Variants in GRIN2B observed in about 807,000 individuals in gnomAD.
The protein encoded by GRIN2B is glutamate ionotropic receptor NMDA type subunit 2B.
GRIN2B carries 5 observed loss-of-function variants against 114.5 expected under a neutral mutation model. The ratio of observed to expected loss-of-function variants is 0.04; its 90% CI spans 0.02 to 0.09. The LOEUF (loss-of-function observed/expected upper bound fraction) is 0.09, where lower values mean the gene tolerates loss of function less well. Among genes scored for constraint, GRIN2B ranks in the 10% least tolerant of loss-of-function variants. The probability of loss-of-function intolerance (pLI) is 1.00; values close to 1 mark genes in which losing one functional copy is unlikely to be tolerated. For synonymous variants in GRIN2B, 787 were observed against 745.1 expected, an observed-to-expected ratio of 1.06 and a Z score of -0.92; for missense variants, 1,108 against 1,943.5, an observed-to-expected ratio of 0.57 and a Z score of 8.08.
intron 2 of GRIN2B, among the ~76,000 whole-genome samples, chr12:13,930,233 T>C (rs1429414181): frequency 6.6e-6 from 1 of 152,176 alleles, no homozygotes; most frequent in Non-Finnish European, 1.5e-5. Flanking sequence ...ATTAACCTTA[T>C]TTTTTAATAG....
At chr12:13,821,558 A>T (rs1284755568) in intron 3 of GRIN2B, among the ~76,000 whole-genome samples, 1 of 152,214 alleles carries the variant, frequency 6.6e-6, no homozygotes, top group Non-Finnish European at 1.5e-5. Context: ...AAGGCAGAAG[A>T]CAGAAAGGAA....
intron 3 of GRIN2B, among the ~76,000 whole-genome samples, chr12:13,860,281 T>C (rs1172636026): frequency 2.0e-5 from 3 of 152,170 alleles, no homozygotes; most frequent in Non-Finnish European, 4.4e-5. Flanking sequence ...GTACAGAAAA[T>C]GAAAAGTGCT....
intron 3 of GRIN2B, among the ~76,000 whole-genome samples, chr12:13,807,951 A>T (rs974352271): frequency 3.9e-5 from 6 of 152,242 alleles, no homozygotes; most frequent in African/African-American, 1.4e-4. Context: ...TTATGCTTTT[A>T]GTAATGGAAT....
At chr12:13,777,289 AGCTTCTTTT>A (rs1342787825) in intron 3 of GRIN2B, among the ~76,000 whole-genome samples, 4 of 152,184 alleles carry the variant, frequency 2.6e-5, no homozygotes, top group African/African-American at 9.7e-5. Flanking sequence ...TTCCTGGAGA[AGCTTCTTTT>A]GCTCAAGAGT....
intron 2 of GRIN2B, among the ~76,000 whole-genome samples, chr12:13,875,106 T>A (rs955383456): frequency 2.0e-5 from 3 of 152,276 alleles, no homozygotes; most frequent in South Asian, 4.2e-4. Flanking sequence ...CAGTGTGTAT[T>A]TTTCCCCCAT....
At chr12:13,943,961 G>A (rs1265850747) in intron 2 of GRIN2B, among the ~76,000 whole-genome samples, 2 of 152,172 alleles carry the variant, frequency 1.3e-5, no homozygotes, top group Non-Finnish European at 2.9e-5. Context: ...ATGGCACATA[G>A]TAGACGCTCA....
intron 3 of GRIN2B, among the ~76,000 whole-genome samples, chr12:13,826,295 AC>A (rs1317353760): frequency 6.6e-6 from 1 of 151,748 alleles, no homozygotes; most frequent in African/African-American, 2.4e-5. Context: ...ACACAGAGAA[AC>A]CCCGTCTCTA....
chr12:13,605,893 A>G (rs921509999), intron 10 of GRIN2B, among the ~76,000 whole-genome samples: 2 of 152,178 alleles, frequency 1.3e-5, no homozygotes, highest in Non-Finnish European at 1.5e-5. Context: ...TTAACAGCCA[A>G]GAAGGTCTGT....
chr12:13,722,668 C>T (rs997326128), intron 4 of GRIN2B, among the ~76,000 whole-genome samples: 8 of 151,966 alleles, frequency 5.3e-5, no homozygotes, highest in Non-Finnish European at 8.8e-5. Context: ...AGAGAGAGTG[C>T]GAAGTTATTT....
chr12:13,938,950 T>C (rs1867181873), intron 2 of GRIN2B, among the ~76,000 whole-genome samples: 1 of 152,202 alleles, frequency 6.6e-6, no homozygotes, highest in African/African-American at 2.4e-5. Flanking sequence ...TCTTCTCTTT[T>C]TGCCATTACA....
chr12:13,563,918 A>G lies in GRIN2B; in HGVS notation c.3320T>C (p.Leu1107Pro). 1.9e-6 allele frequency: 3 copies of G among 1,614,182 alleles called. No individual in the cohort carries two copies. The East Asian group carries it at 6.7e-5, about 36-fold the overall frequency. The change falls in exon 14 of 14, where the codon CTG becomes CCG. Residue 1107 changes from leucine (L) to proline (P), a missense_variant. This residue lies in a region of GRIN2B where 18 missense variants were observed against 23.6 expected (regional missense o/e 0.76). Transcript: ENST00000609686. The stretch of plus-strand genomic sequence containing the variant: ...GCGGGGCGGTCGGCGACGGTAGGCC[A>G]GCTCGATCTCGTCAAACTCCCTGCG... ...KSRREFDEIE[L>P]AYRRRPPRSP...
intron 2 of GRIN2B, among the ~76,000 whole-genome samples, chr12:13,886,779 C>A (rs1196882157): frequency 6.6e-6 from 1 of 152,144 alleles, no homozygotes; most frequent in Non-Finnish European, 1.5e-5. Flanking sequence ...ATCAGTGTTT[C>A]TTAACCACAT....
At position 13,560,476 on chromosome 12, in the gene GRIN2B, T is replaced by C. The variant is rs938882120; in HGVS notation, c.*2307A>G. The C allele has an allele frequency of 6.6e-6, 1 of 152,244 alleles. No individual in the cohort carries two copies. Among genetic ancestry groups the C allele is most frequent in the Non-Finnish European group, 1.5e-5 (1 of 68,060 alleles). 9.4% of individuals were successfully genotyped at this position (152,244 alleles called of 1,614,324 possible). On this transcript the variant is annotated 3_prime_UTR_variant, in exon 14 of 14. Coordinates refer to ENST00000609686, the MANE Select transcript of GRIN2B (RefSeq NM_000834.5). The stretch of plus-strand genomic sequence containing the variant: ...CTGAAAGAGCTCCCTTGGTTCTAGA[T>C]TGCTGTTCGCTAGGTTAGTTGGTTT...
At chr12:13,603,921 T>C (rs914815945) in intron 10 of GRIN2B, among the ~76,000 whole-genome samples, 1 of 151,970 alleles carries the variant, frequency 6.6e-6, no homozygotes, top group African/African-American at 2.4e-5. Flanking sequence ...TGTTCCTATT[T>C]GTAAAATGAG....
intron 4 of GRIN2B, among the ~76,000 whole-genome samples, chr12:13,681,595 A>C (rs2136546838): frequency 6.6e-6 from 1 of 152,254 alleles, no homozygotes; most frequent in South Asian, 2.1e-4. Context: ...CATCTATAAA[A>C]CAGGTGGTTC....
intron 3 of GRIN2B, among the ~76,000 whole-genome samples, chr12:13,780,573 T>C (rs1381560614): frequency 1.3e-5 from 2 of 152,094 alleles, no homozygotes; most frequent in Non-Finnish European, 2.9e-5. Context: ...ACTGGAGAGT[T>C]GGGAATTAAG....
chr12:13,968,164 T>C (rs1867818656), intron 2 of GRIN2B, among the ~76,000 whole-genome samples: 1 of 152,220 alleles, frequency 6.6e-6, no homozygotes, highest in South Asian at 2.1e-4. Context: ...CTGCGTACCT[T>C]GCCACTCACG....
intron 4 of GRIN2B, among the ~76,000 whole-genome samples, chr12:13,682,698 T>C (rs1246847212): frequency 2.0e-5 from 3 of 152,212 alleles, no homozygotes; most frequent in African/African-American, 7.2e-5. Flanking sequence ...ACAAATTTAA[T>C]ATACCTCTTA....
intron 5 of GRIN2B, among the ~76,000 whole-genome samples, chr12:13,631,777 ACAGAATTATTGGC>A (rs1228057036): frequency 6.6e-6 from 1 of 152,228 alleles, no homozygotes; most frequent in Non-Finnish European, 1.5e-5. Context: ...CTGTGCAAGA[ACAGAATTATTGGC>A]CAGGTAGTCT....
Sources: gnomAD v4.1 joint callset for allele counts (sites outside exome capture counted in the v4.1 genomes callset) on GRCh38, gnomAD v4.1.1 for gene constraint, gnomAD v4.1.1 regional missense constraint, MANE v1.5 for transcripts, NCBI Gene and HGNC (gene_info 2026-07-23, HGNC 2026-07-21) for gene names.